The following CAPS2 variants were observed in gnomAD, a reference collection of about 807,000 sequenced individuals.
CAPS2 encodes calcyphosin-2.
CAPS2 carries 98 observed loss-of-function variants against 86.5 expected under a neutral mutation model. The observed-to-expected ratio is 1.13, with a 90% CI of 0.96 to 1.34. The LOEUF is 1.34. Among genes scored for constraint, CAPS2 ranks in the 40% most tolerant of loss-of-function variants. The pLI is 0.00. For synonymous variants in CAPS2, 210 were observed against 225.1 expected (o/e 0.93, Z 0.60); for missense variants, 729 against 686.8 (o/e 1.06, Z -0.69).
chr12:75,368,635 G>A (rs1014632958), intron 1 of CAPS2, among the ~76,000 whole-genome samples: 1 of 151,778 alleles, frequency 6.6e-6, no homozygotes. Context: ...TTAGAATTGT[G>A]CTTGGCCATA....
At chr12:75,390,775 G>T (rs918989015) in intron 1 of CAPS2, 36 of 520,672 alleles carry the variant, frequency 6.9e-5, no homozygotes, top group African/African-American at 6.9e-4. Context: ...ATATCATTCA[G>T]TGTCAGAAAT....
At chr12:75,382,163 G>C (rs1342693661) in intron 1 of CAPS2, among the ~76,000 whole-genome samples, 1 of 152,012 alleles carries the variant, frequency 6.6e-6, no homozygotes, top group Non-Finnish European at 1.5e-5. Flanking sequence ...ATGAGAAAGA[G>C]TCAATAAAAT....
intron 1 of CAPS2, chr12:75,390,511 T>G (rs548459145): frequency 5.0e-6 from 2 of 397,292 alleles, no homozygotes; most frequent in East Asian, 1.4e-4. Flanking sequence ...TCTCATCAAT[T>G]AAGTTGGCCT....
At chr12:75,285,144 T>G (rs951009093) in intron 14 of CAPS2, 64 bp from the exon 15 acceptor site, 3 of 1,513,810 alleles carry the variant, frequency 2.0e-6, no homozygotes, top group Non-Finnish European at 2.7e-6. Flanking sequence ...AAAATCATCT[T>G]AGTTGTATTT....
At chr12:75,390,225 G>A in intron 1 of CAPS2, 1 of 410,204 alleles carries the variant, frequency 2.4e-6, no homozygotes, top group Non-Finnish European at 4.9e-6. Context: ...TGTTTTTGAG[G>A]AAAATGTTTG....
intron 1 of CAPS2, among the ~76,000 whole-genome samples, chr12:75,338,387 G>A (rs149236391): frequency 0.011 from 1,723 of 152,108 alleles, 21 homozygotes; most frequent in Middle Eastern, 0.017. Context: ...TTGGATTGGG[G>A]GAATTTAATT....
intron 8 of CAPS2, among the ~76,000 whole-genome samples, chr12:75,304,427 T>G (rs112034123): frequency 0.017 from 2,555 of 152,254 alleles, 63 homozygotes; most frequent in African/African-American, 0.052. Context: ...AGTTTTAATA[T>G]GCCAATGAGA....
At chr12:75,306,948 C>G (rs11832400) in intron 7 of CAPS2, among the ~76,000 whole-genome samples, 2,616 of 151,950 alleles carry the variant, frequency 0.017, 68 homozygotes, top group African/African-American at 0.053. Flanking sequence ...AAAAAATTGA[C>G]TACAAGTTAG....
intron 6 of CAPS2, 92 bp downstream of exon 6, chr12:75,316,220 G>A: frequency 6.9e-7 from 1 of 1,449,168 alleles, no homozygotes. Flanking sequence ...AAATTCAACT[G>A]TTGCAATTAT....
intron 11 of CAPS2, among the ~76,000 whole-genome samples, chr12:75,293,971 C>T (rs972119206): frequency 3.9e-5 from 6 of 152,140 alleles, no homozygotes; most frequent in Non-Finnish European, 7.4e-5. Context: ...CTCGCACTGT[C>T]GCCCAGGCCG....
At chr12:75,364,315 G>A (rs1029226684) in intron 1 of CAPS2, among the ~76,000 whole-genome samples, 5 of 151,782 alleles carry the variant, frequency 3.3e-5, no homozygotes, top group African/African-American at 9.7e-5. Flanking sequence ...TCAGATGGTT[G>A]GGGGGCTTAG....
At position 75,319,650 on chromosome 12, in the gene CAPS2, G is replaced by T. The variant is rs980096367; in HGVS notation, c.468+1750C>A. Among the ~76,000 whole-genome samples, 3 of 152,058 alleles carry T rather than the reference G, an allele frequency of 2.0e-5. 1 individual carries two copies. The South Asian group carries it at 6.2e-4, about 31-fold the overall frequency. ...AGTAGAGTCAAACTTCTATTTTGCA[G>T]TTCAACTGATTATCAGTTGACTCAT... On this transcript the variant is annotated intron_variant, in intron 5 of 16. Coordinates refer to ENST00000393284, the Ensembl canonical transcript of CAPS2.
At chr12:75,351,766 C>T (rs1001223418) in intron 1 of CAPS2, among the ~76,000 whole-genome samples, 15 of 152,218 alleles carry the variant, frequency 9.9e-5, no homozygotes, top group East Asian at 1.9e-4. Context: ...AGCCTGGTCT[C>T]GAACTCCTGA....
chr12:75,285,060 T>G, exon 15 of CAPS2: 1 of 1,610,722 alleles, frequency 6.2e-7, no homozygotes, highest in Non-Finnish European at 8.5e-7. Context: ...CATTCAGAAT[T>G]AGCCATGCAG....
At chr12:75,363,575 AAACT>A (rs2139624884) in intron 1 of CAPS2, among the ~76,000 whole-genome samples, 2 of 152,312 alleles carry the variant, frequency 1.3e-5, no homozygotes, top group Admixed American at 1.3e-4. Context: ...TTATGATTTA[AAACT>A]AACATGTTTC....
In CAPS2 at chr12:75,321,544, T is replaced by C. The variant is rs950476660; in HGVS notation, c.324A>G (p.Ala108=). Residue 108 remains alanine, a synonymous_variant, in exon 5 of 17, where the codon GCA becomes GCG. Transcript: ENST00000393284. ...ATTTTAGTTTACATTTGTCTGTTGG[T>C]GCTGGCAAATTTTCAGGTATTATGT... 5 of 1,549,358 alleles carry C rather than the reference T, an allele frequency of 3.2e-6. No homozygotes were observed. In the African/African-American group the frequency reaches 5.5e-5, roughly 17 times the overall value.
chr12:75,344,683 C>T (rs965405396), intron 1 of CAPS2, among the ~76,000 whole-genome samples: 2 of 151,884 alleles, frequency 1.3e-5, no homozygotes, highest in African/African-American at 4.8e-5. Flanking sequence ...TTATTATATT[C>T]GCAATTTGTA....
At chr12:75,366,698 G>T in intron 1 of CAPS2, 5 of 513,424 alleles carry the variant, frequency 9.7e-6, no homozygotes, top group South Asian at 2.6e-5. Context: ...GTTTTTTTGT[G>T]TTGCAGATCA....
chr12:75,296,816 G>A (rs1211818288), intron 11 of CAPS2, among the ~76,000 whole-genome samples: 1 of 152,182 alleles, frequency 6.6e-6, no homozygotes, highest in Non-Finnish European at 1.5e-5. Context: ...AACAATAGAA[G>A]ATTGGGGGCA....
Sources: allele counts gnomAD v4.1 joint callset (sites outside exome capture counted in the v4.1 genomes callset), GRCh38; gene constraint gnomAD v4.1.1; transcripts MANE v1.5; gene names NCBI Gene and HGNC (gene_info 2026-07-23, HGNC 2026-07-21).